The following AP1S3 variants were observed in gnomAD, a reference collection of about 807,000 sequenced individuals.
AP1S3 encodes adaptor related protein complex 1 subunit sigma 3.
A neutral mutation model predicts 20.9 loss-of-function variants in AP1S3; 10 were observed. The observed-to-expected ratio is 0.48, with a 90% CI of 0.29 to 0.81. AP1S3 has a LOEUF of 0.81. AP1S3 is among the 30% of genes least tolerant of loss of function. The pLI is 0.08. For synonymous variants in AP1S3, 41 were observed against 61.5 expected (o/e 0.67, Z 1.56); for missense variants, 154 against 183.8 (o/e 0.84, Z 0.94).
At chr2:223,806,277 A>ATTTT (rs144953846) in intron 1 of AP1S3, among the ~76,000 whole-genome samples, 82 of 111,036 alleles carry the variant, frequency 7.4e-4, no homozygotes, top group East Asian at 1.7e-3. Flanking sequence ...AAACAAAGGA[A>ATTTT]TTTTTTTTTT....
chr2:223,805,897 TA>T, intron 1 of AP1S3, among the ~76,000 whole-genome samples: 1 of 152,222 alleles, frequency 6.6e-6, no homozygotes, highest in Non-Finnish European at 1.5e-5. Flanking sequence ...AGGCTGAGTA[TA>T]CCAGAAACCT....
Position 223,758,770 on chromosome 2 carries a change from T to C in AP1S3, c.430-20A>G. On this transcript the variant is annotated intron_variant, in intron 4 of 4. Coordinates refer to ENST00000396654, the MANE Select transcript of AP1S3 (RefSeq NM_001039569.2). ...CATTGTCTGAAAGCGAACAATAAAT[T>C]AGAACAATTTTCCCTTTAAGTCACA... The C allele has an allele frequency of 6.2e-7, 1 of 1,601,670 alleles. No individual in the cohort carries two copies. Among genetic ancestry groups the C allele is most frequent in the Non-Finnish European group, 8.5e-7 (1 of 1,173,400 alleles).
intron 1 of AP1S3, among the ~76,000 whole-genome samples, chr2:223,805,758 GT>G: frequency 6.6e-6 from 1 of 152,276 alleles, no homozygotes; most frequent in East Asian, 1.9e-4. Context: ...GTTTCAGTGA[GT>G]TTGGTTATTT....
intron 3 of AP1S3, among the ~76,000 whole-genome samples, chr2:223,767,581 ACT>A (rs1325757871): frequency 1.3e-5 from 2 of 151,522 alleles, no homozygotes; most frequent in East Asian, 3.9e-4. Flanking sequence ...AATCTTGCTG[ACT>A]CTCTACAGCT....
chr2:223,762,485 C>CTGGCCTCGAACTCG (rs895771140), intron 4 of AP1S3, among the ~76,000 whole-genome samples: 1 of 152,080 alleles, frequency 6.6e-6, no homozygotes, highest in Non-Finnish European at 1.5e-5. Context: ...GTTGGCTAGG[C>CTGGCCTCGAACTCG]TGGCCTCGAA....
chr2:223,783,430 C>T (rs1460769188), intron 1 of AP1S3, among the ~76,000 whole-genome samples: 1 of 152,204 alleles, frequency 6.6e-6, no homozygotes, highest in African/African-American at 2.4e-5. Context: ...CTCAGAGTGC[C>T]TACTAGAGCA....
chr2:223,804,717 C>CAAA (rs746509169), intron 1 of AP1S3, among the ~76,000 whole-genome samples: 2 of 118,056 alleles, frequency 1.7e-5, no homozygotes, highest in African/African-American at 3.0e-5. Flanking sequence ...GAGACTGTTT[C>CAAA]AAAAAAAAAA....
intron 1 of AP1S3, among the ~76,000 whole-genome samples, chr2:223,790,240 T>C (rs2106102448): frequency 6.6e-6 from 1 of 151,910 alleles, no homozygotes; most frequent in South Asian, 2.1e-4. Flanking sequence ...AGTCTTTTTT[T>C]TTTTTTTTTG....
intron 1 of AP1S3, among the ~76,000 whole-genome samples, chr2:223,792,630 A>G (rs1002817714): frequency 3.9e-5 from 6 of 152,292 alleles, no homozygotes; most frequent in African/African-American, 1.2e-4. Context: ...CATAGAAGAA[A>G]AGCTAGGCAA....
intron 1 of AP1S3, among the ~76,000 whole-genome samples, chr2:223,828,651 T>G (rs1197342597): frequency 6.6e-6 from 1 of 152,106 alleles, no homozygotes; most frequent in Non-Finnish European, 1.5e-5. Flanking sequence ...GAATGTGAGC[T>G]CCGTGCAAGC....
chr2:223,779,019 C>A (rs1389857646), intron 1 of AP1S3, among the ~76,000 whole-genome samples: 1 of 152,112 alleles, frequency 6.6e-6, no homozygotes, highest in East Asian at 1.9e-4. Flanking sequence ...GCTCTTTTCT[C>A]CATTTTGCAC....
intron 1 of AP1S3, among the ~76,000 whole-genome samples, chr2:223,780,763 T>C (rs1690927852): frequency 6.8e-6 from 1 of 147,918 alleles, no homozygotes; most frequent in South Asian, 2.2e-4. Flanking sequence ...TTTTTTTTTT[T>C]CTGGTAACTA....
In AP1S3 at chr2:223,777,858, T is replaced by G. The variant is rs1690826900; in HGVS notation, c.15A>C (p.Ile5=). 2 of 1,613,438 alleles carry G rather than the reference T, an allele frequency of 1.2e-6. No homozygotes were observed. The highest frequency in any genetic ancestry group is 4.5e-5 in the East Asian group (2 of 44,846). The change falls in exon 2 of 5, where the codon ATA becomes ATC. Residue 5 remains isoleucine (I), a synonymous_variant. Transcript: ENST00000396654. The stretch of plus-strand genomic sequence containing the variant: ...ATTTCCCTTGTCGACTGAAGAGCAA[T>G]ATGAAATGTATCTAGAACAAAGGAC... The part of the protein sequence containing the change: MIHF[I]LLFSRQGKLR...
At chr2:223,814,715 AG>A (rs1691805990) in intron 1 of AP1S3, among the ~76,000 whole-genome samples, 1 of 152,244 alleles carries the variant, frequency 6.6e-6, no homozygotes, top group Non-Finnish European at 1.5e-5. Context: ...AAAATATGAC[AG>A]GCGTTCTAAG....
chr2:223,762,256 T>C (rs4674814), intron 4 of AP1S3, among the ~76,000 whole-genome samples: 99,609 of 143,782 alleles, frequency 0.69, 35,673 homozygotes, highest in East Asian at 0.98. Flanking sequence ...GCATGAGCCA[T>C]TGTGCCCAGC....
intron 1 of AP1S3, among the ~76,000 whole-genome samples, chr2:223,822,149 G>A (rs1692001778): frequency 6.6e-6 from 1 of 152,068 alleles, no homozygotes; most frequent in African/African-American, 2.4e-5. Flanking sequence ...CAGCACTTTG[G>A]GAGGCTGAGA....
intron 1 of AP1S3, among the ~76,000 whole-genome samples, chr2:223,780,361 T>A (rs867783529): frequency 2.0e-4 from 25 of 127,192 alleles, no homozygotes; most frequent in African/African-American, 5.0e-4. Flanking sequence ...AGAGAGAGTG[T>A]GTGTGTGTGT....
chr2:223,760,057 C>G (rs1351436233), intron 4 of AP1S3, among the ~76,000 whole-genome samples: 1 of 152,054 alleles, frequency 6.6e-6, no homozygotes, highest in African/African-American at 2.4e-5. Context: ...CTCACAATTA[C>G]AGGTAGAGTT....
intron 3 of AP1S3, among the ~76,000 whole-genome samples, chr2:223,766,414 CAGA>C (rs959062940): frequency 6.6e-6 from 1 of 152,168 alleles, no homozygotes; most frequent in Non-Finnish European, 1.5e-5. Flanking sequence ...TTTTGCTGTG[CAGA>C]AGCTCTTTAG....
Sources: gnomAD v4.1 joint callset for allele counts (sites outside exome capture counted in the v4.1 genomes callset) on GRCh38, gnomAD v4.1.1 for gene constraint, MANE v1.5 for transcripts, NCBI Gene and HGNC (gene_info 2026-07-23, HGNC 2026-07-21) for gene names.